The following OPCML variants were observed in gnomAD, a reference collection of about 807,000 sequenced individuals.
OPCML encodes the protein opioid binding protein/cell adhesion molecule like.
OPCML carries 13 observed loss-of-function variants against 37.8 expected under a neutral mutation model. The observed-to-expected ratio is 0.34, with a 90% CI of 0.22 to 0.55. The LOEUF is 0.55. Among genes scored for constraint, OPCML ranks in the 20% least tolerant of loss-of-function variants. The pLI, the probability that OPCML is intolerant of heterozygous loss-of-function variation, is 0.91. For synonymous variants in OPCML, 176 were observed against 168.8 expected (o/e 1.04, Z -0.33); for missense variants, 341 against 435.6 (o/e 0.78, Z 1.93).
intron 2 of OPCML, among the ~76,000 whole-genome samples, chr11:132,889,585 A>G (rs2136456164): frequency 6.6e-6 from 1 of 152,332 alleles, no homozygotes; most frequent in South Asian, 2.1e-4. Context: ...TTCCTTCCTG[A>G]TATTTCCTAC....
At chr11:133,437,719 C>T (rs1305442099) in intron 1 of OPCML, among the ~76,000 whole-genome samples, 1 of 144,424 alleles carries the variant, frequency 6.9e-6, no homozygotes, top group Non-Finnish European at 1.5e-5. Flanking sequence ...CCCTCTCAAC[C>T]CCGCTCACCT....
At chr11:133,098,213 CT>C (rs749902124) in intron 1 of OPCML, among the ~76,000 whole-genome samples, 871 of 133,680 alleles carry the variant, frequency 6.5e-3, no homozygotes, top group African/African-American at 7.3e-3. Context: ...GCTGGTTAAA[CT>C]TTTTTTTTTT....
rs74749478 is a variant in OPCML at position 133,438,955 on chromosome 11, A to G, written c.61+93309T>C. On this transcript the variant is annotated intron_variant, in intron 1 of 7. Transcript: ENST00000524381. ...GAGGGCATGGAGGCTCCATGCCCCC[A>G]CACACCACACCCCATGCCTTGCCCT... 6.3e-3 allele frequency among the ~76,000 whole-genome samples: 952 copies of G among 152,264 alleles called. 12 individuals carry two copies. The highest frequency in any genetic ancestry group is 0.022 in the African/African-American group (902 of 41,560).
chr11:132,451,949 T>C, intron 4 of OPCML, among the ~76,000 whole-genome samples: 1 of 152,224 alleles, frequency 6.6e-6, no homozygotes, highest in South Asian at 2.1e-4. Context: ...ACTGGATTTC[T>C]GTGCGGTACA....
intron 2 of OPCML, among the ~76,000 whole-genome samples, chr11:132,729,319 A>G (rs937792543): frequency 6.6e-6 from 1 of 152,196 alleles, no homozygotes; most frequent in African/African-American, 2.4e-5. Flanking sequence ...CTAATCTTAA[A>G]ATGCACATTC....
chr11:133,307,443 T>G (rs1942952329), intron 1 of OPCML, among the ~76,000 whole-genome samples: 1 of 152,200 alleles, frequency 6.6e-6, no homozygotes, highest in African/African-American at 2.4e-5. Context: ...TTTTACAGTG[T>G]ACATAATACA....
chr11:132,501,968 A>G (rs2096246602), intron 4 of OPCML, among the ~76,000 whole-genome samples: 1 of 152,210 alleles, frequency 6.6e-6, no homozygotes, highest in Non-Finnish European at 1.5e-5. Flanking sequence ...AGCAAGATCT[A>G]AAAGAGAGGA....
intron 2 of OPCML, among the ~76,000 whole-genome samples, chr11:132,687,385 T>C (rs1238821785): frequency 2.5e-4 from 7 of 27,570 alleles, no homozygotes; most frequent in South Asian, 1.6e-3. Context: ...TATATATATA[T>C]ATATATATAT....
At chr11:133,412,823 C>T (rs1012337305) in intron 1 of OPCML, among the ~76,000 whole-genome samples, 5 of 152,130 alleles carry the variant, frequency 3.3e-5, no homozygotes, top group Admixed American at 6.5e-5. Flanking sequence ...TTTTGAGTGA[C>T]TGTTATGTAC....
At chr11:133,008,350 G>C in intron 1 of OPCML, 1 of 985,322 alleles carries the variant, frequency 1.0e-6, no homozygotes, top group Non-Finnish European at 1.2e-6. Context: ...GACCTGAAAG[G>C]AATATGTTCC....
At chr11:132,756,132 A>G (rs1348364704) in intron 2 of OPCML, among the ~76,000 whole-genome samples, 1 of 152,216 alleles carries the variant, frequency 6.6e-6, no homozygotes, top group Non-Finnish European at 1.5e-5. Context: ...GTGCAGTTGA[A>G]TCATGAGTTG....
intron 1 of OPCML, among the ~76,000 whole-genome samples, chr11:133,166,509 G>A (rs1950210368): frequency 1.3e-5 from 2 of 152,236 alleles, no homozygotes; most frequent in African/African-American, 4.8e-5. Flanking sequence ...TGTAGTTAAT[G>A]TTATAATATT....
At chr11:133,164,775 T>G (rs900386776) in intron 1 of OPCML, among the ~76,000 whole-genome samples, 1 of 152,220 alleles carries the variant, frequency 6.6e-6, no homozygotes, top group Non-Finnish European at 1.5e-5. Flanking sequence ...TTCTTCTGCC[T>G]TCCCTGTACT....
chr11:133,172,072 G>C (rs1950295657), intron 1 of OPCML, among the ~76,000 whole-genome samples: 1 of 152,154 alleles, frequency 6.6e-6, no homozygotes, highest in Non-Finnish European at 1.5e-5. Flanking sequence ...AACTCAACTG[G>C]AAGATTAACC....
chr11:133,510,212 C>T (rs919416248), intron 1 of OPCML, among the ~76,000 whole-genome samples: 2 of 152,210 alleles, frequency 1.3e-5, no homozygotes, highest in Non-Finnish European at 2.9e-5. Flanking sequence ...TGATTCAAGT[C>T]TCGCCATCAC....
chr11:132,846,222 G>A (rs1009187701), intron 2 of OPCML, among the ~76,000 whole-genome samples: 62 of 152,118 alleles, frequency 4.1e-4, no homozygotes, highest in African/African-American at 1.4e-3. Flanking sequence ...ACAGCCAAGG[G>A]CCTCATTGTC....
intron 1 of OPCML, among the ~76,000 whole-genome samples, chr11:133,076,540 C>G (rs936561454): frequency 6.6e-6 from 1 of 152,140 alleles, no homozygotes; most frequent in Non-Finnish European, 1.5e-5. Context: ...TGGCTGTGAA[C>G]GTCATGCAAA....
At chr11:132,842,402 C>G (rs981062982) in intron 2 of OPCML, among the ~76,000 whole-genome samples, 2 of 152,182 alleles carry the variant, frequency 1.3e-5, no homozygotes, top group African/African-American at 4.8e-5. Context: ...TGGCCACAGC[C>G]TCCCCTCTTC....
At chr11:133,122,409 T>C (rs2137117595) in intron 1 of OPCML, among the ~76,000 whole-genome samples, 1 of 152,248 alleles carries the variant, frequency 6.6e-6, no homozygotes, top group East Asian at 1.9e-4. Context: ...TGCTGGCTAG[T>C]AACAGACCTA....
Sources: allele counts gnomAD v4.1 joint callset (sites outside exome capture counted in the v4.1 genomes callset), GRCh38; gene constraint gnomAD v4.1.1; transcripts MANE v1.5; gene names NCBI Gene and HGNC (gene_info 2026-07-23, HGNC 2026-07-21).